The following ADGRD2 variants were observed in gnomAD, a reference collection of about 807,000 sequenced individuals.
ADGRD2 encodes adhesion G protein-coupled receptor D2.
ADGRD2 carries 71 observed loss-of-function variants against 44.4 expected under a neutral mutation model. The ratio of observed to expected loss-of-function variants is 1.60; its 90% CI spans 1.32 to 1.95. The LOEUF is 1.95. Ranked by LOEUF, ADGRD2 falls within the 30% of genes most tolerant of loss-of-function variation. The pLI, the probability that ADGRD2 is intolerant of heterozygous loss-of-function variation, is 0.00. For synonymous variants in ADGRD2, 481 were observed against 224.8 expected (o/e 2.14, Z -10.19); for missense variants, 1,039 against 512.4 (o/e 2.03, Z -9.92).
chr9:124,458,245 G>A lies in ADGRD2; in HGVS notation c.1764+9G>A, dbSNP rs1403946958. Reference sequence around the variant, plus strand: ...GCAAACAGGGTGCAGAGGTGAGTAGGCGCCACCTGGAGGGCTGTGAGGGCC... The same window carrying A: ...GCAAACAGGGTGCAGAGGTGAGTAGACGCCACCTGGAGGGCTGTGAGGGCC... On this transcript the variant is annotated intron_variant, in intron 9 of 21. Transcript: ENST00000334810. 1 of 718,278 alleles carries A rather than the reference G, an allele frequency of 1.4e-6. No individual in the cohort carries two copies. Among genetic ancestry groups the A allele is most frequent in the Non-Finnish European group, 2.6e-6 (1 of 385,020 alleles). The allele number at this position is 718,278 out of a possible 1,614,324, so 44.5% of individuals were successfully genotyped here.
At chr9:124,451,298 G>A (rs73666890), upstream of ADGRD2, 64 of 457,412 alleles carry the variant, frequency 1.4e-4, no homozygotes, top group South Asian at 6.3e-4. Flanking sequence ...TCCCCCACCC[G>A]CTGCAGGGAC....
chr9:124,464,657 T>C (rs1341334293), intron 10 of ADGRD2, among the ~76,000 whole-genome samples: 1 of 152,234 alleles, frequency 6.6e-6, no homozygotes, highest in Admixed American at 6.5e-5. Flanking sequence ...GGCCACCTGA[T>C]ATGTCTTCAC....
At chr9:124,451,447 C>T, upstream of ADGRD2, 1 of 356,976 alleles carries the variant, frequency 2.8e-6, no homozygotes, top group East Asian at 7.4e-5. Context: ...TAAATGTCGT[C>T]CCTACTAGGT....
chr9:124,465,489 T>C (rs1490329074), intron 10 of ADGRD2: 1 of 151,982 alleles, frequency 6.6e-6, no homozygotes, highest in Non-Finnish European at 1.5e-5. Context: ...GTAGCTGAGA[T>C]TACAGGCGCC....
chr9:124,467,763 G>C, exon 12 of ADGRD2: 1 of 718,586 alleles, frequency 1.4e-6, no homozygotes, highest in Non-Finnish European at 2.6e-6. Context: ...TCTGTCATTT[G>C]TGGGCTGTGG....
At chr9:124,456,010 T>G (rs987775770) in intron 6 of ADGRD2, among the ~76,000 whole-genome samples, 2 of 152,186 alleles carry the variant, frequency 1.3e-5, no homozygotes, top group African/African-American at 4.8e-5. Flanking sequence ...TTCTATGGAA[T>G]GATTCACCAT....
At chr9:124,457,714 G>A (rs959393093) in intron 8 of ADGRD2, 108 bp downstream of exon 11, 14 of 541,354 alleles carry the variant, frequency 2.6e-5, no homozygotes, top group South Asian at 1.1e-4. Flanking sequence ...CAGTTTGCTC[G>A]TCTGTAAAAT....
intron 17 of ADGRD2, among the ~76,000 whole-genome samples, chr9:124,472,436 TTTTG>T (rs968774450): frequency 3.2e-4 from 49 of 151,668 alleles, no homozygotes; most frequent in Admixed American, 1.4e-3. Context: ...TGGTTTGTTT[TTTTG>T]TTTGTTTGTT....
chr9:124,468,276 C>A lies in ADGRD2; in HGVS notation c.2233+86C>A, dbSNP rs945060104. 7 of 708,620 alleles carry A rather than the reference C, an allele frequency of 9.9e-6. No homozygotes were observed. The African/African-American group carries it at 1.2e-4, about 12-fold the overall frequency. 43.9% of individuals were successfully genotyped at this position (708,620 alleles called of 1,614,324 possible). On this transcript the variant is annotated intron_variant, in intron 13 of 21. Coordinates refer to ENST00000334810, the Ensembl canonical transcript of ADGRD2. Reference sequence around the variant, plus strand: ...TTCTAGGGTGACCCCCTGCCCCCAACTATTTTCACATGGCTCCACTTCCCT... The same window carrying A: ...TTCTAGGGTGACCCCCTGCCCCCAAATATTTTCACATGGCTCCACTTCCCT...
upstream of ADGRD2, chr9:124,451,036 C>T (rs1222739725): frequency 2.1e-6 from 1 of 471,210 alleles, no homozygotes; most frequent in Non-Finnish European, 4.4e-6. Context: ...GCACACCCAC[C>T]AGCCGGAACC....
chr9:124,456,960 T>G (rs1376880027), intron 7 of ADGRD2, among the ~76,000 whole-genome samples: 1 of 152,218 alleles, frequency 6.6e-6, no homozygotes, highest in Non-Finnish European at 1.5e-5. Context: ...CCTTCCTGTT[T>G]TAGCTCTCTC....
At chr9:124,470,173 C>G (rs935998796) in intron 16 of ADGRD2, among the ~76,000 whole-genome samples, 1 of 152,174 alleles carries the variant, frequency 6.6e-6, no homozygotes, top group African/African-American at 2.4e-5. Context: ...TCCTTCTAAC[C>G]CCATCCCTGC....
At chr9:124,457,978 C>T (rs1831649280) in intron 8 of ADGRD2, 135 bp from the exon 12 acceptor site, 4 of 634,236 alleles carry the variant, frequency 6.3e-6, no homozygotes, top group Non-Finnish European at 1.1e-5. Flanking sequence ...GCTGTGTGAT[C>T]TTAGGGAAGT....
At chr9:124,470,008 G>T (rs1831916741) in intron 16 of ADGRD2, among the ~76,000 whole-genome samples, 1 of 152,128 alleles carries the variant, frequency 6.6e-6, no homozygotes, top group Non-Finnish European at 1.5e-5. Flanking sequence ...CACACTCTGG[G>T]AGAGAGAGGG....
intron 8 of ADGRD2, 126 bp from the exon 12 acceptor site, chr9:124,457,987 G>T (rs895410138): frequency 1.6e-6 from 1 of 639,414 alleles, no homozygotes; most frequent in African/African-American, 1.8e-5. Context: ...TCTTAGGGAA[G>T]TCAGTTTACC....
At chr9:124,464,428 T>G (rs1183129549) in intron 10 of ADGRD2, among the ~76,000 whole-genome samples, 2 of 152,206 alleles carry the variant, frequency 1.3e-5, no homozygotes, top group Non-Finnish European at 2.9e-5. Context: ...CTCGAGCAGG[T>G]TAACCCTCCT....
Position 124,467,826 on chromosome 9 carries a change from T to A in ADGRD2, c.2130+2T>A. 1.4e-6 allele frequency: 1 copy of A among 718,330 alleles called. No individual in the cohort carries two copies. Among genetic ancestry groups the A allele is most frequent in the Non-Finnish European group, 2.6e-6 (1 of 385,052 alleles). 44.5% of individuals were successfully genotyped at this position (718,330 alleles called of 1,614,324 possible). On this transcript the variant is annotated splice_donor_variant, in intron 12 of 21. Coordinates refer to ENST00000334810, the Ensembl canonical transcript of ADGRD2. LOFTEE classifies it high-confidence loss of function. ...CTTCTTGCTCTTCCTGGTGGCCGGG[T>A]GAGGAGAGTTCACCACTGTAGCCTG...
intron 17 of ADGRD2, among the ~76,000 whole-genome samples, chr9:124,475,199 A>G (rs954335696): frequency 5.9e-5 from 9 of 152,316 alleles, no homozygotes; most frequent in African/African-American, 2.2e-4. Context: ...CTGCCTGGTG[A>G]GCAGAAGCTG....
upstream of ADGRD2, chr9:124,451,707 C>T (rs1159293788): frequency 3.8e-6 from 1 of 262,606 alleles, no homozygotes; most frequent in Admixed American, 5.1e-5. Context: ...CTCCTGGTAC[C>T]TTCACTTCTG....
Sources: gnomAD v4.1 joint callset for allele counts (sites outside exome capture counted in the v4.1 genomes callset) on GRCh38, gnomAD v4.1.1 for gene constraint, MANE v1.5 for transcripts, NCBI Gene and HGNC (gene_info 2026-07-23, HGNC 2026-07-21) for gene names.